Variants in VPS41 observed in about 807,000 individuals in gnomAD.
The protein encoded by VPS41 is VPS41 subunit of HOPS complex, also known as vacuolar protein sorting-associated protein 41 homolog.
VPS41 carries 85 observed loss-of-function variants against 130.9 expected under a neutral mutation model. The observed-to-expected ratio is 0.65, with a 90% CI of 0.55 to 0.78. The LOEUF is 0.78. Ranked by LOEUF, VPS41 falls within the 30% of genes least tolerant of loss-of-function variation. VPS41 has a pLI of 0.00. For synonymous variants in VPS41, 335 were observed against 332.9 expected, an observed-to-expected ratio of 1.01 and a Z score of -0.07; for missense variants, 874 against 1,018.7, an observed-to-expected ratio of 0.86 and a Z score of 1.93.
intron 25 of VPS41, among the ~76,000 whole-genome samples, chr7:38,741,698 A>T (rs1380530704): frequency 6.6e-6 from 1 of 152,228 alleles, no homozygotes; most frequent in Non-Finnish European, 1.5e-5. Context: ...ATGTTATATT[A>T]ACCATACAAA....
chr7:38,763,602 C>T, intron 16 of VPS41, 55 bp from the exon 17 acceptor site: 2 of 1,094,866 alleles, frequency 1.8e-6, no homozygotes, highest in Non-Finnish European at 2.7e-6. Flanking sequence ...AACAAAACTG[C>T]ATTCCAATTA....
chr7:38,754,934 T>C lies in VPS41; in HGVS notation c.1698A>G (p.Lys566=), dbSNP rs1485461898. Residue 566 remains lysine (K), a splice_region_variant and synonymous_variant, in exon 20 of 29, where the codon AAA becomes AAG. Transcript: ENST00000310301. ...CATTGTCCAAAAGCATGTCAACAGC[T>C]TTCTGAAACATATAAGAAAAGCCAC... ...IVLLMDFDSE[K]AVDMLLDNED... is the part of the protein sequence containing the mutation. 1.2e-6 allele frequency: 2 copies of C among 1,613,342 alleles called. No homozygotes were observed. The highest frequency in any genetic ancestry group is 2.2e-5 in the East Asian group (1 of 44,794).
Position 38,821,200 on chromosome 7 carries a change from T to C in VPS41, c.384+3A>G, listed in dbSNP as rs928624337. 14 of 1,612,524 alleles carry C rather than the reference T, an allele frequency of 8.7e-6. No homozygotes were observed. The highest frequency in any genetic ancestry group is 1.1e-5 in the Non-Finnish European group (13 of 1,178,794). On this transcript the variant is annotated splice_donor_region_variant and intron_variant, in intron 6 of 28. Transcript: ENST00000310301. ...GAAAAAGTAAAACTTGCTGAATACTTACTTTAATGGGACAGTCAAAAGTCT... is the reference window on the plus strand; with the variant it reads ...GAAAAAGTAAAACTTGCTGAATACTCACTTTAATGGGACAGTCAAAAGTCT...
intron 2 of VPS41, among the ~76,000 whole-genome samples, chr7:38,881,765 T>C (rs555418560): frequency 3.9e-5 from 6 of 152,068 alleles, no homozygotes; most frequent in Non-Finnish European, 7.4e-5. Flanking sequence ...ATCTCCAAAA[T>C]GAGGACACAA....
intron 4 of VPS41, among the ~76,000 whole-genome samples, chr7:38,856,118 G>C (rs539025142): frequency 6.6e-6 from 1 of 152,128 alleles, no homozygotes; most frequent in African/African-American, 2.4e-5. Context: ...ATCTCATCTT[G>C]AGGACTCCAC....
intron 4 of VPS41, among the ~76,000 whole-genome samples, chr7:38,847,971 G>C (rs2116251228): frequency 6.6e-6 from 1 of 152,228 alleles, no homozygotes; most frequent in Non-Finnish European, 1.5e-5. Context: ...TAACCAAAGA[G>C]AAAATGCCTA....
intron 5 of VPS41, among the ~76,000 whole-genome samples, chr7:38,823,005 T>C (rs1304739730): frequency 6.6e-6 from 1 of 152,218 alleles, no homozygotes; most frequent in African/African-American, 2.4e-5. Flanking sequence ...CTTCTTTAAC[T>C]TTTGTAGGAA....
chr7:38,801,039 T>C (rs1005669404), intron 7 of VPS41, among the ~76,000 whole-genome samples: 2 of 152,354 alleles, frequency 1.3e-5, no homozygotes, highest in East Asian at 1.9e-4. Context: ...CTTTCTGTTA[T>C]ACTTGGTGTG....
At chr7:38,849,047 AT>A (rs1008910925) in intron 4 of VPS41, among the ~76,000 whole-genome samples, 8 of 151,832 alleles carry the variant, frequency 5.3e-5, no homozygotes, top group Admixed American at 1.3e-4. Flanking sequence ...TCCAGTGAGA[AT>A]TTTTTTTTCT....
At chr7:38,853,788 AAT>A (rs1785919035) in intron 4 of VPS41, among the ~76,000 whole-genome samples, 1 of 152,244 alleles carries the variant, frequency 6.6e-6, no homozygotes, top group Non-Finnish European at 1.5e-5. Context: ...ATACCAGGGT[AAT>A]TTCATTCAGT....
In VPS41 at chr7:38,743,385, A is replaced by G; in HGVS notation, c.2122+17T>C. 6.2e-7 allele frequency: 1 copy of G among 1,613,628 alleles called. No individual in the cohort carries two copies. Among genetic ancestry groups the G allele is most frequent in the South Asian group, 1.1e-5 (1 of 91,050 alleles). On this transcript the variant is annotated intron_variant, in intron 24 of 28. Coordinates refer to ENST00000310301, the MANE Select transcript of VPS41 (RefSeq NM_014396.4). Reference sequence around the variant, plus strand: ...AGAGAAAAAAAAGTTATAACCAGAGATGGCTTTTATGCTTACGTGGTTTGT... The same window carrying G: ...AGAGAAAAAAAAGTTATAACCAGAGGTGGCTTTTATGCTTACGTGGTTTGT...
At chr7:38,902,548 A>T (rs1787167863) in intron 1 of VPS41, among the ~76,000 whole-genome samples, 1 of 152,192 alleles carries the variant, frequency 6.6e-6, no homozygotes, top group South Asian at 2.1e-4. Flanking sequence ...ACATACCATC[A>T]GTTGCAGCTG....
chr7:38,743,564 G>GA, intron 23 of VPS41, 22 bp from the exon 24 acceptor site: 1 of 1,608,602 alleles, frequency 6.2e-7, no homozygotes, highest in South Asian at 1.1e-5. Flanking sequence ...GAAGATGGGA[G>GA]AAAGAGTTCA....
At chr7:38,909,023 C>T (rs1162783416) in intron 1 of VPS41, 131 bp downstream of exon 1, 7 of 1,136,826 alleles carry the variant, frequency 6.2e-6, no homozygotes, top group Non-Finnish European at 9.2e-6. Flanking sequence ...CATCCCACCC[C>T]GCCCTGCCGC....
At chr7:38,742,697 G>A (rs1795904900) in intron 24 of VPS41, among the ~76,000 whole-genome samples, 1 of 150,820 alleles carries the variant, frequency 6.6e-6, no homozygotes, top group African/African-American at 2.4e-5. Flanking sequence ...TTGTCAAGAG[G>A]ATAGTTATTA....
chr7:38,866,392 G>A (rs973237236), intron 3 of VPS41, among the ~76,000 whole-genome samples: 1 of 152,190 alleles, frequency 6.6e-6, no homozygotes, highest in East Asian at 1.9e-4. Context: ...CTCTGTGGAG[G>A]CAGTAGAAGA....
chr7:38,727,049 C>T (rs1795559193), intron 27 of VPS41, 61 bp from the exon 28 acceptor site: 1 of 1,399,078 alleles, frequency 7.1e-7, no homozygotes, highest in South Asian at 1.7e-5. Context: ...CATTTTAAAC[C>T]AATCCCGACT....
In VPS41 at chr7:38,907,745, A is replaced by G. The variant is rs116336559; in HGVS notation, c.21+1409T>C. On this transcript the variant is annotated intron_variant, in intron 1 of 28. Coordinates refer to ENST00000310301, the MANE Select transcript of VPS41 (RefSeq NM_014396.4). ...AAAAAACAATGGTTTTTCTAGGAGC[A>G]ACTCTCTCCATTTCTATTCCACTAT... Among the ~76,000 whole-genome samples the G allele has an allele frequency of 4.4e-3, 676 of 152,316 alleles. 4 individuals are homozygous for G. The highest frequency in any genetic ancestry group is 0.015 in the African/African-American group (616 of 41,564).
intron 25 of VPS41, among the ~76,000 whole-genome samples, chr7:38,735,648 T>C (rs1023780118): frequency 1.3e-5 from 2 of 152,226 alleles, no homozygotes; most frequent in African/African-American, 4.8e-5. Context: ...TGTGTCTCGC[T>C]CATCCCCAGG....
Sources: allele counts gnomAD v4.1 joint callset (sites outside exome capture counted in the v4.1 genomes callset), GRCh38; gene constraint gnomAD v4.1.1; transcripts MANE v1.5; gene names NCBI Gene and HGNC (gene_info 2026-07-23, HGNC 2026-07-21).